The following LYN variants were observed in gnomAD, a reference collection of about 807,000 sequenced individuals.
The protein encoded by LYN is LYN proto-oncogene, Src family tyrosine kinase, also known as tyrosine-protein kinase Lyn.
LYN carries 12 observed loss-of-function variants against 65.0 expected under a neutral mutation model. The observed-to-expected ratio is 0.18, with a 90% CI of 0.12 to 0.30. LYN has a LOEUF of 0.30. LYN is among the 10% of genes least tolerant of loss of function. The probability of loss-of-function intolerance (pLI) is 1.00; values close to 1 mark genes in which losing one functional copy is unlikely to be tolerated. For synonymous variants in LYN, 222 were observed against 221.2 expected, an observed-to-expected ratio of 1.00 and a Z score of -0.03; for missense variants, 380 against 623.2, an observed-to-expected ratio of 0.61 and a Z score of 4.16.
chr8:55,913,149 A>T (rs1312766311), intron 1 of LYN, among the ~76,000 whole-genome samples: 1 of 152,214 alleles, frequency 6.6e-6, no homozygotes, highest in Non-Finnish European at 1.5e-5. Context: ...AACTGGATAT[A>T]TCCTGTGTTC....
intron 1 of LYN, among the ~76,000 whole-genome samples, chr8:55,900,398 G>A (rs1355103598): frequency 6.6e-6 from 1 of 151,992 alleles, no homozygotes; most frequent in African/African-American, 2.4e-5. Context: ...TTAGGGATAG[G>A]ATTTCATTGT....
intron 9 of LYN, among the ~76,000 whole-genome samples, chr8:55,969,155 T>C (rs1807540756): frequency 2.0e-5 from 3 of 152,126 alleles, no homozygotes; most frequent in African/African-American, 7.2e-5. Context: ...GCATGTACCC[T>C]CAGCTACACA....
At chr8:55,904,675 G>A (rs768320788) in intron 1 of LYN, among the ~76,000 whole-genome samples, 5 of 151,938 alleles carry the variant, frequency 3.3e-5, no homozygotes, top group East Asian at 3.9e-4. Flanking sequence ...GCTTGAGCCC[G>A]GGAGGTGGAG....
chr8:55,880,163 C>G, intron 1 of LYN, 60 bp downstream of exon 1: 2 of 178,522 alleles, frequency 1.1e-5, no homozygotes, highest in South Asian at 8.2e-5. Context: ...GGTGCAGGGG[C>G]CGCGGCTGTG....
rs1585566241 is a variant in LYN, at chr8:55,891,303, GATC to G, written c.-6+11201_-6+11203del. The stretch of plus-strand genomic sequence containing the variant: ...GGAGGCAGAGGTTGCAGTGAGTCGA[GATC>G]CCGCGACTGCACTCCAGCCAGGGCA... On this transcript the variant is annotated intron_variant, in intron 1 of 12. Coordinates refer to ENST00000519728, the MANE Select transcript of LYN (RefSeq NM_002350.4). 1.3e-4 allele frequency among the ~76,000 whole-genome samples: 20 copies of G among 150,232 alleles called. No individual in the cohort carries two copies. The East Asian group carries it at 4.0e-3, about 30-fold the overall frequency.
At chr8:55,905,521 T>G (rs1307682916) in intron 1 of LYN, among the ~76,000 whole-genome samples, 1 of 152,204 alleles carries the variant, frequency 6.6e-6, no homozygotes, top group Non-Finnish European at 1.5e-5. Flanking sequence ...ATGTCAGATG[T>G]CCTGGAGTGC....
chr8:55,888,899 C>T (rs1026682396), intron 1 of LYN, among the ~76,000 whole-genome samples: 5 of 152,130 alleles, frequency 3.3e-5, no homozygotes, highest in African/African-American at 7.2e-5. Context: ...TAATGAAATG[C>T]GGCACCATAG....
chr8:55,941,816 G>T (rs1353713232), intron 1 of LYN, 39 bp from the exon 2 acceptor site: 1 of 1,574,288 alleles, frequency 6.4e-7, no homozygotes, highest in Non-Finnish European at 8.7e-7. Context: ...AGCAGTTCTG[G>T]AATGGTAAAA....
intron 6 of LYN, among the ~76,000 whole-genome samples, chr8:55,951,263 A>T (rs1372642269): frequency 2.6e-5 from 4 of 152,080 alleles, no homozygotes; most frequent in Admixed American, 2.6e-4. Context: ...AAAAGAGAAA[A>T]GAAAAGAAAA....
chr8:55,937,759 A>G (rs1806477278), intron 1 of LYN, among the ~76,000 whole-genome samples: 1 of 152,036 alleles, frequency 6.6e-6, no homozygotes, highest in Non-Finnish European at 1.5e-5. Flanking sequence ...GTGGCACAAC[A>G]ATCTTGGCTT....
rs57325128 is a variant in LYN at position 55,905,082 on chromosome 8, T to G, written c.-6+24979T>G. ...AAGGATGAGAATCATTTTACTAGAT[T>G]CAGCTATGTGGGAATCTTTCGGCTA... On this transcript the variant is annotated intron_variant, in intron 1 of 12. Coordinates refer to ENST00000519728, the MANE Select transcript of LYN (RefSeq NM_002350.4). Among the ~76,000 whole-genome samples, 877 of 152,226 alleles carry G rather than the reference T, an allele frequency of 5.8e-3. 8 individuals are homozygous for G. The highest frequency in any genetic ancestry group is 0.02 in the African/African-American group (829 of 41,538).
At chr8:55,986,687 A>C (rs1808082464) in intron 10 of LYN, among the ~76,000 whole-genome samples, 1 of 152,204 alleles carries the variant, frequency 6.6e-6, no homozygotes, top group Admixed American at 6.5e-5. Context: ...CTATGAAGGT[A>C]GTCTAACAGA....
chr8:55,966,933 T>C (rs1401114447), intron 9 of LYN, 36 bp downstream of exon 9: 17 of 1,583,072 alleles, frequency 1.1e-5, no homozygotes, highest in Non-Finnish European at 1.5e-5. Context: ...TTGCAAGGGC[T>C]TCAAACTCAA....
intron 11 of LYN, among the ~76,000 whole-genome samples, chr8:55,999,134 C>G (rs1387179225): frequency 6.6e-6 from 1 of 152,160 alleles, no homozygotes; most frequent in Non-Finnish European, 1.5e-5. Flanking sequence ...CCCACGAGAG[C>G]TGAGCAAATA....
At chr8:56,005,225 A>G (rs193184687) in intron 12 of LYN, among the ~76,000 whole-genome samples, 123 of 152,330 alleles carry the variant, frequency 8.1e-4, no homozygotes, top group Middle Eastern at 6.8e-3. Flanking sequence ...AAGGGGAGTC[A>G]TACAGTTTTG....
At chr8:55,887,820 G>A (rs1485225840) in intron 1 of LYN, among the ~76,000 whole-genome samples, 1 of 152,132 alleles carries the variant, frequency 6.6e-6, no homozygotes, top group South Asian at 2.1e-4. Flanking sequence ...GTGTTGGCCA[G>A]GCTGGTCTCG....
rs575010862 is a variant in LYN, at chr8:55,922,765, CA to C, written c.-5-19078del. On this transcript the variant is annotated intron_variant, in intron 1 of 12. Coordinates refer to ENST00000519728, the MANE Select transcript of LYN (RefSeq NM_002350.4). The stretch of plus-strand genomic sequence containing the variant: ...CTGGGCAAAAAGAGCGAAATTCCAT[CA>C]AAAAAAAAAAAGAATTTTGAATATG... Among the ~76,000 whole-genome samples, 676 of 135,886 alleles carry C rather than the reference CA, an allele frequency of 5.0e-3. 2 individuals carry two copies. The highest frequency in any genetic ancestry group is 5.9e-3 in the Non-Finnish European group (365 of 61,522). 89.1% of individuals were successfully genotyped at this position (135,886 alleles called of 152,430 possible).
At chr8:55,920,873 T>C (rs532696710) in intron 1 of LYN, among the ~76,000 whole-genome samples, 75 of 151,952 alleles carry the variant, frequency 4.9e-4, no homozygotes, top group African/African-American at 1.6e-3. Context: ...ATTTTTGTAT[T>C]TTTAGTAGAG....
intron 10 of LYN, among the ~76,000 whole-genome samples, chr8:55,991,879 A>G (rs573439984): frequency 2.0e-5 from 3 of 152,364 alleles, no homozygotes; most frequent in South Asian, 2.1e-4. Context: ...AAAAGAAACT[A>G]AAAAATGTGC....
Sources: gnomAD v4.1 joint callset for allele counts (sites outside exome capture counted in the v4.1 genomes callset) on GRCh38, gnomAD v4.1.1 for gene constraint, MANE v1.5 for transcripts, NCBI Gene and HGNC (gene_info 2026-07-23, HGNC 2026-07-21) for gene names.